The following UGGT2 variants were observed in gnomAD, a reference collection of about 807,000 sequenced individuals.
UGGT2 encodes the protein UDP-glucose glycoprotein glucosyltransferase 2, also known as UDP-glucose:glycoprotein glucosyltransferase 2.
Under a neutral mutation model 192.1 loss-of-function variants are expected in UGGT2, and 180 were observed. That is an observed-to-expected ratio of 0.94 (90% CI 0.83 to 1.06). The LOEUF (loss-of-function observed/expected upper bound fraction) is 1.06. UGGT2 is among the 50% of genes least tolerant of loss of function. The pLI, the probability that UGGT2 is intolerant of heterozygous loss-of-function variation, is 0.00. For missense variants in UGGT2, 1,849 were observed against 1,795.7 expected (o/e 1.03, Z -0.54); for synonymous variants, 580 against 591.0 (o/e 0.98, Z 0.27).
chr13:95,830,692 A>G (rs889807007), intron 38 of UGGT2, among the ~76,000 whole-genome samples: 11 of 152,234 alleles, frequency 7.2e-5, no homozygotes, highest in Non-Finnish European at 1.2e-4. Context: ...GCTGTAAACT[A>G]GTTCAACCAT....
chr13:95,881,571 A>C (rs1286317646), intron 27 of UGGT2, among the ~76,000 whole-genome samples: 1 of 152,200 alleles, frequency 6.6e-6, no homozygotes, highest in Non-Finnish European at 1.5e-5. Flanking sequence ...ATTCTTTCAC[A>C]ATTATATTTG....
rs758318902 is a variant in UGGT2 at position 95,999,340 on chromosome 13, A to T, written c.661-33T>A. Reference sequence around the variant, plus strand: ...AACACATTTATTTTATAAAAAGCGAAAAGAGTTAGTCAAACATTTTGTTTT... The same window carrying T: ...AACACATTTATTTTATAAAAAGCGATAAGAGTTAGTCAAACATTTTGTTTT... On this transcript the variant is annotated intron_variant, in intron 5 of 38. Transcript: ENST00000376747. The T allele has an allele frequency of 2.4e-5, 38 of 1,587,356 alleles. 1 individual carries two copies. The South Asian group carries it at 4.2e-4, about 18-fold the overall frequency.
intron 38 of UGGT2, among the ~76,000 whole-genome samples, chr13:95,807,044 T>C (rs1884341985): frequency 6.6e-6 from 1 of 152,192 alleles, no homozygotes; most frequent in Non-Finnish European, 1.5e-5. Context: ...AATCCACATA[T>C]AACTTTTGAC....
intron 1 of UGGT2, among the ~76,000 whole-genome samples, chr13:96,043,349 C>T (rs534552952): frequency 6.6e-6 from 1 of 152,188 alleles, no homozygotes; most frequent in Non-Finnish European, 1.5e-5. Flanking sequence ...TCCAGCACCA[C>T]AAGAACTGCT....
At chr13:95,860,178 G>A (rs1232644920) in intron 32 of UGGT2, among the ~76,000 whole-genome samples, 1 of 151,776 alleles carries the variant, frequency 6.6e-6, no homozygotes, top group Non-Finnish European at 1.5e-5. Context: ...TATTCTCTGT[G>A]ACCTTTCTAT....
At chr13:95,808,168 A>C (rs1270375463) in intron 38 of UGGT2, among the ~76,000 whole-genome samples, 1 of 152,174 alleles carries the variant, frequency 6.6e-6, no homozygotes, top group Non-Finnish European at 1.5e-5. Flanking sequence ...CAGGGACAAA[A>C]GCATTGATGG....
At chr13:95,964,382 A>G (rs891838293) in intron 12 of UGGT2, among the ~76,000 whole-genome samples, 1 of 152,188 alleles carries the variant, frequency 6.6e-6, no homozygotes, top group African/African-American at 2.4e-5. Flanking sequence ...ACATAAGGCA[A>G]ACACTTTTGG....
intron 12 of UGGT2, among the ~76,000 whole-genome samples, chr13:95,960,115 T>C (rs1056570662): frequency 2.0e-5 from 3 of 152,144 alleles, no homozygotes; most frequent in Non-Finnish European, 4.4e-5. Context: ...AGTCTTCCCC[T>C]AACAATGGAA....
rs2047446024 is a variant in UGGT2 at position 95,879,942 on chromosome 13, G to A, written c.3229-2086C>T. On this transcript the variant is annotated intron_variant, in intron 27 of 38. Transcript: ENST00000376747. ...ATTCTGGGGTACATGTGCAGAATGAGCAGGTTTGTTACATAGGTACACACA... is the reference window on the plus strand; with the variant it reads ...ATTCTGGGGTACATGTGCAGAATGAACAGGTTTGTTACATAGGTACACACA... Among the ~76,000 whole-genome samples, 4 of 151,964 alleles carry A rather than the reference G, an allele frequency of 2.6e-5. No individual in the cohort carries two copies. The South Asian group carries it at 8.3e-4, about 32-fold the overall frequency.
At chr13:95,887,289 T>C (rs1315857408) in intron 26 of UGGT2, 1 of 516,634 alleles carries the variant, frequency 1.9e-6, no homozygotes, top group East Asian at 5.5e-5. Context: ...TTCTGCCCAA[T>C]GACACATGAA....
At chr13:95,907,497 C>T (rs892465628) in intron 20 of UGGT2, among the ~76,000 whole-genome samples, 2 of 152,218 alleles carry the variant, frequency 1.3e-5, no homozygotes, top group African/African-American at 4.8e-5. Flanking sequence ...CACCTCCCAA[C>T]AGGGGCCGAC....
chr13:95,801,906 A>T, intron 38 of UGGT2, 94 bp from the exon 39 acceptor site: 1 of 1,442,802 alleles, frequency 6.9e-7, no homozygotes, highest in Non-Finnish European at 9.6e-7. Flanking sequence ...ACCGGTACTG[A>T]CTGAGGATCC....
Position 95,984,539 on chromosome 13 carries a change from G to A in UGGT2, c.1032-675C>T, listed in dbSNP as rs574218652. 3.9e-5 allele frequency among the ~76,000 whole-genome samples: 6 copies of A among 151,922 alleles called. No individual in the cohort carries two copies. The South Asian group carries it at 6.2e-4, about 16-fold the overall frequency. On this transcript the variant is annotated intron_variant, in intron 9 of 38. Transcript: ENST00000376747. ...GAGATGGAGTCTTCCTATGTTGCCC[G>A]GGTTGGTCTAAAACTCCTGGCCTCA...
intron 1 of UGGT2, among the ~76,000 whole-genome samples, chr13:96,047,055 T>C (rs1038037439): frequency 6.6e-6 from 1 of 152,182 alleles, no homozygotes; most frequent in Non-Finnish European, 1.5e-5. Flanking sequence ...AGGGCATAAC[T>C]GAACAAAAGG....
intron 10 of UGGT2, chr13:95,983,499 C>A: frequency 2.2e-6 from 1 of 456,528 alleles, no homozygotes. Context: ...AGCTTTTAAG[C>A]AAAACTAATT....
intron 1 of UGGT2, among the ~76,000 whole-genome samples, chr13:96,048,707 C>T (rs944309148): frequency 6.6e-6 from 1 of 152,156 alleles, no homozygotes; most frequent in African/African-American, 2.4e-5. Context: ...ACTATAAACA[C>T]CTCTACGCAA....
chr13:95,961,464 A>G (rs962751854), intron 12 of UGGT2, among the ~76,000 whole-genome samples: 8 of 152,182 alleles, frequency 5.3e-5, no homozygotes, highest in African/African-American at 1.9e-4. Context: ...TACTTTTATC[A>G]GATAAAACTT....
rs750127639 is a variant in UGGT2 at position 95,801,589 on chromosome 13, C to T, written c.*201G>A. The T allele has an allele frequency of 6.7e-5, 34 of 506,896 alleles. No homozygotes were observed. Among genetic ancestry groups the T allele is most frequent in the Non-Finnish European group, 9.4e-5 (28 of 296,734 alleles). 31.4% of individuals were successfully genotyped at this position (506,896 alleles called of 1,614,324 possible). ...AAAAGGAACAATCAGGTTTTAAATA[C>T]TCAATGGTCATTTATTATATAACTT... On this transcript the variant is annotated 3_prime_UTR_variant, in exon 39 of 39. Transcript: ENST00000376747.
rs573776459 is a variant in UGGT2 at position 95,877,426 on chromosome 13, T to A, written c.3388-62A>T. The A allele has an allele frequency of 1.0e-4, 133 of 1,301,700 alleles. 1 individual carries two copies. The Middle Eastern group carries it at 1.1e-3, about 10-fold the overall frequency. 80.6% of individuals were successfully genotyped at this position (1,301,700 alleles called of 1,614,324 possible). On this transcript the variant is annotated intron_variant, in intron 28 of 38. Transcript: ENST00000376747. ...TGACTAAAAACCATCGAATTGCTCA[T>A]GAATACACGAATGATCTAAGAAAGT...
Sources: gnomAD v4.1 joint callset for allele counts (sites outside exome capture counted in the v4.1 genomes callset) on GRCh38, gnomAD v4.1.1 for gene constraint, MANE v1.5 for transcripts, NCBI Gene and HGNC (gene_info 2026-07-23, HGNC 2026-07-21) for gene names.